MECOM: variants seen among roughly 807,000 people sequenced by gnomAD.
MECOM encodes the protein MDS1 and EVI1 complex locus, also known as histone-lysine N-methyltransferase MECOM.
MECOM carries 13 observed loss-of-function variants against 116.3 expected under a neutral mutation model. The observed-to-expected ratio is 0.11, with a 90% confidence interval of 0.07 to 0.18. The LOEUF is 0.18. MECOM is among the 10% of genes least tolerant of loss of function. The pLI is 1.00. For synonymous variants in MECOM, 528 were observed against 535.2 expected (o/e 0.99, Z 0.19); for missense variants, 1,299 against 1,509.0 (o/e 0.86, Z 2.31).
chr3:169,262,477 C>G (rs185403301), intron 2 of MECOM, among the ~76,000 whole-genome samples: 1 of 152,322 alleles, frequency 6.6e-6, no homozygotes, highest in Admixed American at 6.5e-5. Flanking sequence ...CCTACATTTA[C>G]TCATCTCATT....
intron 2 of MECOM, among the ~76,000 whole-genome samples, chr3:169,215,005 C>A (rs1328804245): frequency 1.3e-5 from 2 of 150,176 alleles, no homozygotes; most frequent in African/African-American, 4.9e-5. Flanking sequence ...AGCCTAAAAG[C>A]CCAGGCTTTT....
intron 2 of MECOM, among the ~76,000 whole-genome samples, chr3:169,248,763 G>A (rs784284): frequency 0.54 from 82,392 of 151,936 alleles, 22,722 homozygotes; most frequent in Middle Eastern, 0.69. Context: ...GACACCAGAG[G>A]CATGCATGCT....
intron 1 of MECOM, among the ~76,000 whole-genome samples, chr3:169,474,453 G>A (rs902202068): frequency 6.6e-6 from 1 of 152,048 alleles, no homozygotes; most frequent in Non-Finnish European, 1.5e-5. Context: ...TCAACAGAAT[G>A]GTAATATACC....
intron 1 of MECOM, among the ~76,000 whole-genome samples, chr3:169,523,339 T>C (rs1043865859): frequency 3.3e-5 from 5 of 152,288 alleles, no homozygotes; most frequent in South Asian, 4.2e-4. Flanking sequence ...ACAACCTGGT[T>C]CTGCTGGTTG....
At chr3:169,504,030 A>G (rs919038778) in intron 1 of MECOM, among the ~76,000 whole-genome samples, 4 of 152,068 alleles carry the variant, frequency 2.6e-5, no homozygotes, top group African/African-American at 7.2e-5. Flanking sequence ...ACTGAATCCC[A>G]CAAGTTACTA....
In MECOM at chr3:169,485,932, A is replaced by ATATATATACTATATAT. The variant is rs1162142984; in HGVS notation, c.38-104409_38-104408insATATATAGTATATATA. On this transcript the variant is annotated intron_variant, in intron 1 of 16. Coordinates refer to ENST00000651503, the MANE Select transcript of MECOM (RefSeq NM_004991.4). ...ATATGTATGTATATATAGTATATAT[A>ATATATATACTATATAT]GTATATATGTATGTATATATGTACA... is the stretch of plus-strand genomic sequence containing the variant. 3.7e-3 allele frequency among the ~76,000 whole-genome samples: 107 copies of ATATATATACTATATAT among 28,648 alleles called. 1 individual carries two copies. The East Asian group carries it at 0.045, about 12-fold the overall frequency. The allele number at this position is 28,648 out of a possible 152,430, so 18.8% of individuals were successfully genotyped here. A position where few individuals can be genotyped will look rare whatever the true frequency, so the allele number is the denominator to read the frequency against.
At chr3:169,511,174 G>A (rs1386588680) in intron 1 of MECOM, among the ~76,000 whole-genome samples, 1 of 152,138 alleles carries the variant, frequency 6.6e-6, no homozygotes, top group Admixed American at 6.5e-5. Flanking sequence ...GAATTTGTAG[G>A]TATCACATCA....
chr3:169,203,230 T>A (rs1289572699), intron 2 of MECOM, among the ~76,000 whole-genome samples: 1 of 152,188 alleles, frequency 6.6e-6, no homozygotes, highest in Non-Finnish European at 1.5e-5. Flanking sequence ...GAATCCTTGA[T>A]GTGCATTTTG....
intron 2 of MECOM, among the ~76,000 whole-genome samples, chr3:169,268,465 T>G (rs1758566014): frequency 6.6e-6 from 1 of 152,236 alleles, no homozygotes; most frequent in Non-Finnish European, 1.5e-5. Flanking sequence ...CCAATGATGC[T>G]ATCTTCTTGT....
chr3:169,284,995 T>C (rs539677894), intron 2 of MECOM, among the ~76,000 whole-genome samples: 1 of 152,222 alleles, frequency 6.6e-6, no homozygotes, highest in African/African-American at 2.4e-5. Context: ...GCCCCCATGG[T>C]GTGAAAGGAG....
intron 1 of MECOM, 71 bp downstream of exon 1, chr3:169,663,265 A>G: frequency 6.5e-7 from 1 of 1,537,482 alleles, no homozygotes. Flanking sequence ...TCCCTCCCGG[A>G]GCGCTAGAGA....
chr3:169,368,500 T>G (rs956761854), intron 2 of MECOM, among the ~76,000 whole-genome samples: 7 of 152,042 alleles, frequency 4.6e-5, no homozygotes, highest in African/African-American at 1.7e-4. Context: ...TCATGCTACC[T>G]ACTTATCATT....
At chr3:169,499,718 C>T (rs566724428) in intron 1 of MECOM, among the ~76,000 whole-genome samples, 19 of 151,896 alleles carry the variant, frequency 1.3e-4, no homozygotes, top group African/African-American at 1.9e-4. Context: ...GAAGCTAGAA[C>T]ATAATAATGT....
intron 1 of MECOM, among the ~76,000 whole-genome samples, chr3:169,471,542 T>C (rs1359683171): frequency 2.0e-5 from 3 of 152,202 alleles, no homozygotes; most frequent in East Asian, 1.9e-4. Context: ...TTGGGCTTTA[T>C]ATCCAGGAAT....
chr3:169,378,519 AAAG>A (rs1560198129), intron 2 of MECOM, among the ~76,000 whole-genome samples: 190 of 10,690 alleles, frequency 0.018, 5 homozygotes, highest in South Asian at 0.026. Flanking sequence ...GAAAGAAAAG[AAAG>A]AAAGAAAGAA....
intron 1 of MECOM, among the ~76,000 whole-genome samples, chr3:169,461,551 G>C (rs1277832073): frequency 6.6e-6 from 1 of 152,138 alleles, no homozygotes; most frequent in Non-Finnish European, 1.5e-5. Flanking sequence ...AGCAATGAAA[G>C]ACCCAGGCTT....
chr3:169,350,718 C>T (rs1304936999), intron 2 of MECOM, among the ~76,000 whole-genome samples: 1 of 151,372 alleles, frequency 6.6e-6, no homozygotes, highest in African/African-American at 2.4e-5. Flanking sequence ...GCAGCTGTTA[C>T]AACATTTTCA....
intron 2 of MECOM, among the ~76,000 whole-genome samples, chr3:169,270,261 C>A (rs924591913): frequency 6.6e-6 from 1 of 151,808 alleles, no homozygotes; most frequent in African/African-American, 2.4e-5. Flanking sequence ...ATGAAAACTA[C>A]AATAGAGGAC....
At chr3:169,171,193 G>A (rs73170087) in intron 2 of MECOM, among the ~76,000 whole-genome samples, 10,692 of 152,192 alleles carry the variant, frequency 0.07, 477 homozygotes, top group South Asian at 0.19. Context: ...TGAAGGTTTA[G>A]AAGAAAAATA....
Sources: gnomAD v4.1 joint callset for allele counts (sites outside exome capture counted in the v4.1 genomes callset) on GRCh38, gnomAD v4.1.1 for gene constraint, MANE v1.5 for transcripts, NCBI Gene and HGNC (gene_info 2026-07-23, HGNC 2026-07-21) for gene names.